ANXA13: variants seen among roughly 807,000 people sequenced by gnomAD.
ANXA13 encodes annexin XIII.
In ANXA13, 36 loss-of-function variants were observed where a neutral mutation model predicts 46.6. The observed-to-expected ratio is 0.77, with a 90% CI of 0.59 to 1.02. The LOEUF (loss-of-function observed/expected upper bound fraction) is 1.02, where lower values mean the gene tolerates loss of function less well. Among genes scored for constraint, ANXA13 ranks in the 50% least tolerant of loss-of-function variants. The pLI is 0.00. For missense variants in ANXA13, 417 were observed against 396.5 expected (o/e 1.05, Z -0.44); for synonymous variants, 163 against 152.9 (o/e 1.07, Z -0.49).
intron 3 of ANXA13, 29 bp from the exon 4 acceptor site, chr8:123,698,588 G>A: frequency 6.2e-7 from 1 of 1,611,134 alleles, no homozygotes; most frequent in Non-Finnish European, 8.5e-7. Flanking sequence ...AGACGTGCTG[G>A]GAATGGCCCA....
At chr8:123,693,863 G>T in intron 6 of ANXA13, 84 bp from the exon 7 acceptor site, 1 of 1,251,576 alleles carries the variant, frequency 8.0e-7, no homozygotes, top group Non-Finnish European at 1.2e-6. Flanking sequence ...AAGTCCTGGA[G>T]AAAGAGGTGA....
chr8:123,736,678 T>G (rs532243245), intron 1 of ANXA13, among the ~76,000 whole-genome samples: 1 of 152,296 alleles, frequency 6.6e-6, no homozygotes, highest in African/African-American at 2.4e-5. Flanking sequence ...TTTATGAAGT[T>G]TTATACAAAT....
chr8:123,702,535 G>A, intron 3 of ANXA13, 107 bp downstream of exon 3: 1 of 858,114 alleles, frequency 1.2e-6, no homozygotes, highest in Non-Finnish European at 1.9e-6. Context: ...CTCCTGGGCT[G>A]ACTCAATAAA....
chr8:123,714,397 T>A (rs1258417156), intron 1 of ANXA13, among the ~76,000 whole-genome samples: 3 of 152,204 alleles, frequency 2.0e-5, no homozygotes, highest in African/African-American at 7.2e-5. Context: ...CTGCTGAGTC[T>A]GCTACAGTGA....
intron 10 of ANXA13, among the ~76,000 whole-genome samples, chr8:123,681,619 CTTTTTT>C (rs5894670): frequency 9.3e-6 from 1 of 107,040 alleles, no homozygotes; most frequent in Admixed American, 1.0e-4. Flanking sequence ...TCTTGAATTT[CTTTTTT>C]TTTTTTTTTT....
chr8:123,696,098 T>G (rs181604194), intron 4 of ANXA13, among the ~76,000 whole-genome samples: 2 of 152,194 alleles, frequency 1.3e-5, no homozygotes, highest in African/African-American at 4.8e-5. Flanking sequence ...ATCAGAAAGA[T>G]ACACAGATTT....
intron 2 of ANXA13, among the ~76,000 whole-genome samples, chr8:123,705,480 C>T (rs1037464574): frequency 5.3e-5 from 8 of 152,250 alleles, no homozygotes; most frequent in African/African-American, 1.9e-4. Flanking sequence ...ATCTCAGCCA[C>T]ACTTGTTAAG....
intron 2 of ANXA13, among the ~76,000 whole-genome samples, chr8:123,706,317 C>T (rs536904209): frequency 3.5e-4 from 54 of 152,358 alleles, no homozygotes; most frequent in Non-Finnish European, 6.6e-4. Context: ...ATCTCTTGAG[C>T]CTACCTCTTT....
At chr8:123,735,719 C>T in intron 1 of ANXA13, 3 of 1,590,806 alleles carry the variant, frequency 1.9e-6, no homozygotes, top group Admixed American at 3.5e-5. Flanking sequence ...GAGCAGGGGT[C>T]ATACCTATGA....
At chr8:123,712,615 T>C (rs1813680923) in intron 2 of ANXA13, 63 bp downstream of exon 2, 2 of 1,406,686 alleles carry the variant, frequency 1.4e-6, no homozygotes, top group African/African-American at 2.8e-5. Flanking sequence ...CATGGGGAAG[T>C]TGGACATGAG....
rs1040446207 is a variant in ANXA13, at chr8:123,712,673, C to T, written c.91+5G>A. On this transcript the variant is annotated splice_donor_5th_base_variant and intron_variant, in intron 2 of 10. Coordinates refer to ENST00000419625, the MANE Select transcript of ANXA13 (RefSeq NM_004306.4). ...AGCAAATTAGCAACAAAATATCTCT[C>T]ATACCCATTCCTTTGCAGGCTTTGT... The T allele has an allele frequency of 3.1e-6, 5 of 1,613,796 alleles. No individual in the cohort carries two copies. Among genetic ancestry groups the T allele is most frequent in the Non-Finnish European group, 3.4e-6 (4 of 1,179,780 alleles).
At chr8:123,692,853 T>A (rs368341837) in intron 8 of ANXA13, among the ~76,000 whole-genome samples, 8 of 152,200 alleles carry the variant, frequency 5.3e-5, no homozygotes, top group African/African-American at 1.7e-4. Context: ...CTCCCCTGAA[T>A]GGGACACTTG....
Position 123,693,305 on chromosome 8 carries a change from G to C in ANXA13, c.541-7C>G, listed in dbSNP as rs1389734912. On this transcript the variant is annotated splice_region_variant and splice_polypyrimidine_tract_variant and intron_variant, in intron 7 of 10. Coordinates refer to ENST00000419625, the MANE Select transcript of ANXA13 (RefSeq NM_004306.4). Reference sequence around the variant, plus strand: ...CCCAGCGGCCTTCCCCTGCCTCAAGGGTCAAATACAAACACTTTGAAAAAG... The same window carrying C: ...CCCAGCGGCCTTCCCCTGCCTCAAGCGTCAAATACAAACACTTTGAAAAAG... 6.2e-7 allele frequency: 1 copy of C among 1,613,106 alleles called. No individual in the cohort carries two copies. The highest frequency in any genetic ancestry group is 8.5e-7 in the Non-Finnish European group (1 of 1,179,458).
At chr8:123,693,105 C>T in intron 8 of ANXA13, 92 bp downstream of exon 8, 1 of 1,099,176 alleles carries the variant, frequency 9.1e-7, no homozygotes, top group Non-Finnish European at 1.4e-6. Context: ...GTAAAGGATC[C>T]CCAATTCCTT....
chr8:123,717,929 C>T (rs1003539011), intron 1 of ANXA13, among the ~76,000 whole-genome samples: 2 of 152,258 alleles, frequency 1.3e-5, no homozygotes, highest in South Asian at 2.1e-4. Context: ...GGTACAATTA[C>T]GCTGCTAACG....
chr8:123,697,430 T>G (rs1813361760), intron 4 of ANXA13, among the ~76,000 whole-genome samples: 1 of 152,024 alleles, frequency 6.6e-6, no homozygotes, highest in African/African-American at 2.4e-5. Context: ...ATGGAGGATT[T>G]TTATTATCTT....
At chr8:123,719,491 T>A (rs546601986) in intron 1 of ANXA13, among the ~76,000 whole-genome samples, 2 of 152,312 alleles carry the variant, frequency 1.3e-5, no homozygotes, top group Non-Finnish European at 2.9e-5. Context: ...AAATGACACA[T>A]GACAATTGCA....
At chr8:123,737,200 CA>C (rs1814289611) in intron 1 of ANXA13, 119 bp downstream of exon 1, 1 of 1,036,354 alleles carries the variant, frequency 9.6e-7, no homozygotes, top group Admixed American at 2.2e-5. Context: ...TTGCTAAAAC[CA>C]ATATTAAAGG....
chr8:123,695,882 G>C (rs1003804978), intron 4 of ANXA13, among the ~76,000 whole-genome samples, 161 bp from the exon 5 acceptor site: 1 of 151,690 alleles, frequency 6.6e-6, no homozygotes, highest in African/African-American at 2.4e-5. Context: ...CGCCTGGAGC[G>C]AGTCCCTGGA....
Sources: gnomAD v4.1 joint callset for allele counts (sites outside exome capture counted in the v4.1 genomes callset) on GRCh38, gnomAD v4.1.1 for gene constraint, MANE v1.5 for transcripts, NCBI Gene and HGNC (gene_info 2026-07-23, HGNC 2026-07-21) for gene names.